Variants in MGAT4C observed in about 807,000 individuals in gnomAD.
MGAT4C encodes the protein MGAT4 family member C.
A neutral mutation model predicts 40.1 loss-of-function variants in MGAT4C; 19 were observed. The ratio of observed to expected loss-of-function variants is 0.47; its 90% confidence interval spans 0.33 to 0.70. The LOEUF (loss-of-function observed/expected upper bound fraction) is 0.70, where lower values mean the gene tolerates loss of function less well. Among genes scored for constraint, MGAT4C ranks in the 30% least tolerant of loss-of-function variants. The pLI is 0.02. For synonymous variants in MGAT4C, 181 were observed against 187.1 expected, an observed-to-expected ratio of 0.97 and a Z score of 0.27; for missense variants, 491 against 563.2, an observed-to-expected ratio of 0.87 and a Z score of 1.30.
At chr12:86,770,164 T>G (rs1951605540) in intron 1 of MGAT4C, among the ~76,000 whole-genome samples, 1 of 152,184 alleles carries the variant, frequency 6.6e-6, no homozygotes, top group South Asian at 2.1e-4. Context: ...TCATAGAACG[T>G]TAGTATTCTA....
intron 2 of MGAT4C, among the ~76,000 whole-genome samples, chr12:86,018,581 A>T (rs905422905): frequency 2.0e-5 from 3 of 152,194 alleles, no homozygotes; most frequent in Non-Finnish European, 4.4e-5. Context: ...ATCTTCAGAA[A>T]GCCAGAAAAA....
At chr12:86,088,033 C>T (rs371999783) in intron 1 of MGAT4C, among the ~76,000 whole-genome samples, 1 of 151,804 alleles carries the variant, frequency 6.6e-6, no homozygotes, top group Non-Finnish European at 1.5e-5. Context: ...AAAACAGACA[C>T]ATAGACCAAC....
At chr12:86,125,354 A>G (rs1332478012) in intron 1 of MGAT4C, among the ~76,000 whole-genome samples, 1 of 152,180 alleles carries the variant, frequency 6.6e-6, no homozygotes, top group Non-Finnish European at 1.5e-5. Context: ...CAGGGAAAAA[A>G]GGTATAGCAA....
At chr12:86,062,966 G>C (rs1894141336) in intron 1 of MGAT4C, among the ~76,000 whole-genome samples, 1 of 152,096 alleles carries the variant, frequency 6.6e-6, no homozygotes. Context: ...TATTATCCAG[G>C]AGAACTTCCC....
chr12:86,282,936 A>G (rs565237608), intron 4 of MGAT4C, among the ~76,000 whole-genome samples: 4 of 152,242 alleles, frequency 2.6e-5, no homozygotes, highest in East Asian at 3.9e-4. Context: ...TTCTAGCACT[A>G]TGAAACTTTA....
chr12:85,988,864 T>A (rs1420964891), intron 3 of MGAT4C, among the ~76,000 whole-genome samples: 1 of 152,020 alleles, frequency 6.6e-6, no homozygotes, highest in Non-Finnish European at 1.5e-5. Context: ...TCTCTTGAGA[T>A]CTTTTCAGTG....
chr12:86,030,751 T>A (rs541997099), intron 2 of MGAT4C, among the ~76,000 whole-genome samples: 5 of 151,886 alleles, frequency 3.3e-5, no homozygotes, highest in Admixed American at 3.3e-4. Context: ...AAACTGATAA[T>A]CACAGAATAT....
chr12:86,223,016 G>A (rs1356479516), intron 1 of MGAT4C, among the ~76,000 whole-genome samples: 2 of 152,168 alleles, frequency 1.3e-5, no homozygotes, highest in Non-Finnish European at 2.9e-5. Flanking sequence ...CCTAGAGAGT[G>A]CACAGAGGCA....
intron 3 of MGAT4C, among the ~76,000 whole-genome samples, chr12:86,385,262 A>C (rs7314678): frequency 0.027 from 4,134 of 152,240 alleles, 156 homozygotes; most frequent in African/African-American, 0.086. Context: ...TTATAATAAT[A>C]AGAATAATAT....
At chr12:86,462,760 G>C (rs1336674988) in intron 2 of MGAT4C, among the ~76,000 whole-genome samples, 1 of 152,166 alleles carries the variant, frequency 6.6e-6, no homozygotes, top group East Asian at 1.9e-4. Flanking sequence ...TTGAGTGCAA[G>C]AAGCAGCCAT....
intron 4 of MGAT4C, among the ~76,000 whole-genome samples, chr12:86,284,520 C>A (rs1953300430): frequency 6.6e-6 from 1 of 151,750 alleles, no homozygotes; most frequent in African/African-American, 2.4e-5. Context: ...ATCATATATC[C>A]CTGGTGAAAA....
At chr12:86,777,001 T>A (rs1951758278) in intron 1 of MGAT4C, among the ~76,000 whole-genome samples, 3 of 152,172 alleles carry the variant, frequency 2.0e-5, no homozygotes, top group African/African-American at 7.2e-5. Context: ...CTAGTAGCTA[T>A]CTAGGACTTA....
chr12:86,207,624 A>C (rs1439225541), intron 1 of MGAT4C, among the ~76,000 whole-genome samples: 1 of 152,216 alleles, frequency 6.6e-6, no homozygotes, highest in Non-Finnish European at 1.5e-5. Flanking sequence ...ATTTGCTGAC[A>C]CTTATATAGC....
At chr12:86,193,473 G>T (rs1053254843) in intron 1 of MGAT4C, among the ~76,000 whole-genome samples, 1 of 151,866 alleles carries the variant, frequency 6.6e-6, no homozygotes, top group Non-Finnish European at 1.5e-5. Context: ...AGTATCATTG[G>T]TTTTTATTCC....
At chr12:86,779,775 T>A (rs933662277) in intron 1 of MGAT4C, among the ~76,000 whole-genome samples, 3 of 151,734 alleles carry the variant, frequency 2.0e-5, no homozygotes, top group Non-Finnish European at 4.4e-5. Context: ...TAGCCGGGCG[T>A]GGTGGCGGGC....
rs777913995 is a variant in MGAT4C at position 85,975,494 on chromosome 12, G to T, written c.*3795C>A. On this transcript the variant is annotated 3_prime_UTR_variant, in exon 5 of 5. Transcript: ENST00000611864. ...GATGTAGAAACTGAGTTTCAAGAAG[G>T]TTAAGTAAATTTCCTCATATTGGGA... The T allele has an allele frequency of 6.6e-6, 1 of 150,836 alleles. No individual in the cohort carries two copies. The highest frequency in any genetic ancestry group is 1.5e-5 in the Non-Finnish European group (1 of 67,120). The allele number at this position is 150,836 out of a possible 1,614,324, so 9.3% of individuals were successfully genotyped here.
rs113839506 is a variant in MGAT4C at position 86,481,226 on chromosome 12, C to T, written c.-228-45961G>A. ...TAAAATTTTCTTGGTAAAAAATGTA[C>T]AGCTTTCTTTTATAGCTCAGTCTAG... is the stretch of plus-strand genomic sequence containing the variant. On this transcript the variant is annotated intron_variant, in intron 2 of 7. Coordinates refer to the MGAT4C transcript ENST00000548651. Among the ~76,000 whole-genome samples, 490 of 152,072 alleles carry T rather than the reference C, an allele frequency of 3.2e-3. 1 individual carries two copies. The highest frequency in any genetic ancestry group is 0.011 in the African/African-American group (473 of 41,540).
At chr12:86,659,792 T>G (rs74826223) in intron 2 of MGAT4C, among the ~76,000 whole-genome samples, 4,718 of 152,118 alleles carry the variant, frequency 0.031, 121 homozygotes, top group African/African-American at 0.074. Context: ...CCTGTGGAAC[T>G]TGCTGAAAAT....
chr12:86,159,966 C>G (rs1239545717), intron 1 of MGAT4C, among the ~76,000 whole-genome samples: 2 of 151,922 alleles, frequency 1.3e-5, no homozygotes, highest in African/African-American at 4.8e-5. Flanking sequence ...GCATATCAAT[C>G]TTATTTATTT....
Sources: gnomAD v4.1 joint callset for allele counts (sites outside exome capture counted in the v4.1 genomes callset) on GRCh38, gnomAD v4.1.1 for gene constraint, MANE v1.5 for transcripts, NCBI Gene and HGNC (gene_info 2026-07-23, HGNC 2026-07-21) for gene names.